SPP1: variants seen among roughly 807,000 people sequenced by gnomAD.
SPP1 encodes osteopontin.
A neutral mutation model predicts 20.8 loss-of-function variants in SPP1; 18 were observed. The ratio of observed to expected loss-of-function variants is 0.87; its 90% CI spans 0.60 to 1.29. SPP1 has a LOEUF of 1.29. Ranked by LOEUF, SPP1 falls within the 50% of genes most tolerant of loss-of-function variation. The probability of loss-of-function intolerance (pLI) is 0.00; values close to 1 mark genes in which losing one functional copy is unlikely to be tolerated. For synonymous variants in SPP1, 146 were observed against 141.5 expected, an observed-to-expected ratio of 1.03 and a Z score of -0.23; for missense variants, 363 against 389.0, an observed-to-expected ratio of 0.93 and a Z score of 0.56.
chr4:87,979,340 ATTTTT>A (rs1560582144), intron 3 of SPP1, among the ~76,000 whole-genome samples: 38 of 144,410 alleles, frequency 2.6e-4, no homozygotes, highest in African/African-American at 9.2e-4. Flanking sequence ...ATTTTTTTTT[ATTTTT>A]ATTTTTTTTA....
chr4:87,978,608 T>A (rs1299672455), intron 3 of SPP1, among the ~76,000 whole-genome samples: 1 of 152,076 alleles, frequency 6.6e-6, no homozygotes, highest in Admixed American at 6.5e-5. Flanking sequence ...GGTCTCCATC[T>A]CCTGACCTCG....
At position 87,982,872 on chromosome 4, in the gene SPP1, T is replaced by G; in HGVS notation, c.921T>G (p.Asp307Glu). 1 of 1,612,940 alleles carries G rather than the reference T, an allele frequency of 6.2e-7. No individual in the cohort carries two copies. Among genetic ancestry groups the G allele is most frequent in the Non-Finnish European group, 8.5e-7 (1 of 1,179,276 alleles). ...HLKFRISHEL[D>E]SASSEVN ...AATTTCGTATTTCTCATGAATTAGA[T>G]AGTGCATCTTCTGAGGTCAATTAAA... Residue 307 changes from aspartate to glutamate, a missense_variant, in exon 7 of 7, where the codon GAT becomes GAG. Coordinates refer to ENST00000395080, the MANE Select transcript of SPP1 (RefSeq NM_001040058.2).
chr4:87,978,751 G>T (rs925768264), intron 3 of SPP1, among the ~76,000 whole-genome samples: 6 of 152,078 alleles, frequency 3.9e-5, no homozygotes, highest in Non-Finnish European at 5.9e-5. Flanking sequence ...CCAATACTAA[G>T]CTCCTCTGGT....
intron 1 of SPP1, among the ~76,000 whole-genome samples, 171 bp from the exon 2 acceptor site, chr4:87,976,711 T>C (rs1725389463): frequency 6.6e-6 from 1 of 152,192 alleles, no homozygotes; most frequent in African/African-American, 2.4e-5. Context: ...GCAATATAAA[T>C]ATTAACTTGA....
rs979035406 is a variant in SPP1, at chr4:87,981,670, A to G, written c.412A>G (p.Thr138Ala). The change falls in exon 6 of 7, where the codon ACG becomes GCG. Residue 138 changes from threonine to alanine, a missense_variant. By Grantham distance (58) the Thr-to-Ala change is moderately conservative. Transcript: ENST00000395080. ...ESDELVTDFP[T>A]DLPATEVFTP... Reference sequence around the variant, plus strand: ...TGATGAACTGGTCACTGATTTTCCCACGGACCTGCCAGCAACCGAAGTTTT... The same window carrying G: ...TGATGAACTGGTCACTGATTTTCCCGCGGACCTGCCAGCAACCGAAGTTTT... The G allele has an allele frequency of 1.2e-6, 2 of 1,614,172 alleles. No individual in the cohort carries two copies. Among genetic ancestry groups the G allele is most frequent in the East Asian group, 2.2e-5 (1 of 44,886 alleles).
At chr4:87,980,014 T>C (rs1725579147) in intron 3 of SPP1, 32 bp from the exon 4 acceptor site, 2 of 1,608,362 alleles carry the variant, frequency 1.2e-6, no homozygotes, top group African/African-American at 1.3e-5. Context: ...ATTTCTTTTT[T>C]TAATAATGAT....
At chr4:87,977,164 C>A (rs1578100439) in intron 3 of SPP1, 67 bp downstream of exon 3, 4 of 1,466,714 alleles carry the variant, frequency 2.7e-6, no homozygotes, top group Non-Finnish European at 2.8e-6. Context: ...GTGCAAGAAA[C>A]GTATTTGCTG....
Position 87,981,874 on chromosome 4 carries a change from TCATTCATTCATC to T in SPP1, c.540+95_540+106del, listed in dbSNP as rs908998890. On this transcript the variant is annotated intron_variant, in intron 6 of 6. Transcript: ENST00000395080. ...AGGAAACCACAGTTTGCATATTCAT[TCATTCATTCATC>T]CATTCATTCATCCATTCAGCAAGAA... 3.4e-4 allele frequency: 419 copies of T among 1,228,676 alleles called. 2 individuals are homozygous for T. In the African/African-American group the frequency reaches 3.8e-3, roughly 11 times the overall value. 76.1% of individuals were successfully genotyped at this position (1,228,676 alleles called of 1,614,324 possible).
chr4:87,979,210 G>A (rs6532039), intron 3 of SPP1, among the ~76,000 whole-genome samples: 88,306 of 145,792 alleles, frequency 0.61, 26,932 homozygotes, highest in Middle Eastern at 0.7. Context: ...TGTCACCCAG[G>A]CTGGAGTGCA....
At position 87,983,025 on chromosome 4, in the gene SPP1, G is replaced by A. The variant is rs1372400817; in HGVS notation, c.*129G>A. On this transcript the variant is annotated 3_prime_UTR_variant, in exon 7 of 7. Coordinates refer to ENST00000395080, the MANE Select transcript of SPP1 (RefSeq NM_001040058.2). ...TTGAATGTGTATCTATTTGAGTCTGGAAATAACTAATGTGTTTGATAATTA... is the reference window on the plus strand; with the variant it reads ...TTGAATGTGTATCTATTTGAGTCTGAAAATAACTAATGTGTTTGATAATTA... The A allele has an allele frequency of 1.3e-5, 13 of 966,808 alleles. No individual in the cohort carries two copies. Among genetic ancestry groups the A allele is most frequent in the South Asian group, 1.8e-5 (1 of 55,618 alleles). The allele number at this position is 966,808 out of a possible 1,614,324, so 59.9% of individuals were successfully genotyped here. A position where few individuals can be genotyped will look rare whatever the true frequency, so the allele number is the denominator to read the frequency against.
chr4:87,982,853 G>C lies in SPP1; in HGVS notation c.902G>C (p.Arg301Pro), dbSNP rs4660. 2 of 1,613,940 alleles carry C rather than the reference G, an allele frequency of 1.2e-6. No individual in the cohort carries two copies. The change falls in exon 7 of 7, where the codon CGT (arginine) becomes CCT (proline). Residue 301 changes from arginine to proline, a missense_variant. Physicochemically the swap from Arg to Pro is moderately radical, Grantham distance 103. Coordinates refer to ENST00000395080, the MANE Select transcript of SPP1 (RefSeq NM_001040058.2). The part of the protein sequence containing the change: ...SKEEDKHLKF[R>P]ISHELDSASS... ...GAAGAAGATAAACACCTGAAATTTCGTATTTCTCATGAATTAGATAGTGCA... is the reference window on the plus strand; with the variant it reads ...GAAGAAGATAAACACCTGAAATTTCCTATTTCTCATGAATTAGATAGTGCA...
rs759813470 is a variant in SPP1, at chr4:87,981,628, C to T, written c.370C>T (p.His124Tyr). 20 of 1,614,098 alleles carry T rather than the reference C, an allele frequency of 1.2e-5. No individual in the cohort carries two copies. Among genetic ancestry groups the T allele is most frequent in the Non-Finnish European group, 8.5e-7 (1 of 1,180,050 alleles). ...TDDSHQSDES[H>Y]HSDESDELVT... ...TGATTCTCACCAGTCTGATGAGTCT[C>T]ACCATTCTGATGAATCTGATGAACT... The change falls in exon 6 of 7, where the codon CAC (histidine) becomes TAC (tyrosine). Residue 124 changes from histidine (H) to tyrosine (Y), a missense_variant. Transcript: ENST00000395080.
At chr4:87,979,301 G>A (rs1425187554) in intron 3 of SPP1, among the ~76,000 whole-genome samples, 1 of 150,992 alleles carries the variant, frequency 6.6e-6, no homozygotes, top group Non-Finnish European at 1.5e-5. Flanking sequence ...AGTAGCTGGG[G>A]GTACAGGTGC....
At chr4:87,979,476 T>A (rs1326238808) in intron 3 of SPP1, among the ~76,000 whole-genome samples, 2 of 152,136 alleles carry the variant, frequency 1.3e-5, no homozygotes, top group Non-Finnish European at 2.9e-5. Flanking sequence ...CCTAGCCATT[T>A]CATTTTAATT....
intron 5 of SPP1, 92 bp downstream of exon 5, chr4:87,980,526 C>A: frequency 7.2e-7 from 1 of 1,387,702 alleles, no homozygotes; most frequent in Non-Finnish European, 9.9e-7. Flanking sequence ...ATTTCATTAG[C>A]AAGTTTTCCA....
rs145555782 is a variant in SPP1, at chr4:87,978,423, T to G, written c.93+1326T>G. Among the ~76,000 whole-genome samples the G allele has an allele frequency of 4.7e-3, 613 of 130,708 alleles. 3 individuals are homozygous for G. The highest frequency in any genetic ancestry group is 0.017 in the African/African-American group (577 of 33,510). 85.7% of individuals were successfully genotyped at this position (130,708 alleles called of 152,430 possible). ...TTTTTTTTTTTTTTTTGAGACGGAG[T>G]CTCGCTCCGTCGCCCAGGCTGGAGT... is the stretch of plus-strand genomic sequence containing the variant. On this transcript the variant is annotated intron_variant, in intron 3 of 6. Transcript: ENST00000395080.
In SPP1 at chr4:87,982,785, T is replaced by C; in HGVS notation, c.834T>C (p.Phe278=). The C allele has an allele frequency of 6.2e-7, 1 of 1,614,140 alleles. No homozygotes were observed. Among genetic ancestry groups the C allele is most frequent in the East Asian group, 2.2e-5 (1 of 44,890 alleles). Residue 278 remains phenylalanine (F), a synonymous_variant, in exon 7 of 7, where the codon TTT becomes TTC. Coordinates refer to ENST00000395080, the MANE Select transcript of SPP1 (RefSeq NM_001040058.2). ...KVSREFHSHE[F]HSHEDMLVVD... is the part of the protein sequence containing the mutation. ...GCCGTGAATTCCACAGCCATGAATT[T>C]CACAGCCATGAAGATATGCTGGTTG...
At chr4:87,979,983 G>GT in intron 3 of SPP1, 63 bp from the exon 4 acceptor site, 2 of 1,516,588 alleles carry the variant, frequency 1.3e-6, no homozygotes, top group African/African-American at 2.8e-5. Flanking sequence ...AAGAATGGTT[G>GT]TTTTTTCCAT....
chr4:87,980,282 T>C (rs1327749065), intron 4 of SPP1, 111 bp from the exon 5 acceptor site: 2 of 1,495,392 alleles, frequency 1.3e-6, no homozygotes, highest in Non-Finnish European at 1.8e-6. Flanking sequence ...TGTTAAGCCA[T>C]CCACAGATGA....
Sources: gnomAD v4.1 joint callset for allele counts (sites outside exome capture counted in the v4.1 genomes callset) on GRCh38, gnomAD v4.1.1 for gene constraint, MANE v1.5 for transcripts, NCBI Gene and HGNC (gene_info 2026-07-23, HGNC 2026-07-21) for gene names.